Variants in TNR observed in about 807,000 individuals in gnomAD.
TNR encodes tenascin R, also known as tenascin-R.
In TNR, 45 loss-of-function variants were observed where a neutral mutation model predicts 150.4. The ratio of observed to expected loss-of-function variants is 0.30; its 90% CI spans 0.24 to 0.38. The LOEUF (loss-of-function observed/expected upper bound fraction) is 0.38. TNR is among the 10% of genes least tolerant of loss of function. The pLI is 1.00. For missense variants in TNR, 1,544 were observed against 1,759.1 expected (o/e 0.88, Z 2.19); for synonymous variants, 687 against 678.4 (o/e 1.01, Z -0.20).
intron 1 of TNR, among the ~76,000 whole-genome samples, chr1:175,664,342 C>A (rs1262021373): frequency 2.6e-5 from 4 of 152,134 alleles, no homozygotes; most frequent in East Asian, 1.9e-4. Context: ...TGTCCAGGAG[C>A]AGAGTAGAGG....
chr1:175,609,904 A>G (rs1663537341), intron 1 of TNR, among the ~76,000 whole-genome samples: 1 of 152,224 alleles, frequency 6.6e-6, no homozygotes, highest in South Asian at 2.1e-4. Flanking sequence ...AGTTTGAGGG[A>G]TTGTTCCAGG....
chr1:175,426,827 TAAA>T (rs1292072008), intron 2 of TNR, among the ~76,000 whole-genome samples: 1 of 111,428 alleles, frequency 9.0e-6, no homozygotes, highest in African/African-American at 3.6e-5. Flanking sequence ...TAAATATATA[TAAA>T]ATATATTATA....
intron 2 of TNR, among the ~76,000 whole-genome samples, chr1:175,518,034 T>C (rs1055494760): frequency 3.9e-5 from 6 of 152,118 alleles, no homozygotes; most frequent in African/African-American, 1.5e-4. Context: ...AGGAGGAGTG[T>C]TGATGGTTTA....
intron 2 of TNR, among the ~76,000 whole-genome samples, chr1:175,480,940 C>T (rs947758034): frequency 2.0e-5 from 3 of 151,928 alleles, no homozygotes; most frequent in East Asian, 1.9e-4. Context: ...ATTTATTCAC[C>T]CAAAGGTTGC....
intron 2 of TNR, among the ~76,000 whole-genome samples, chr1:175,453,458 C>T (rs777321535): frequency 6.6e-6 from 1 of 152,068 alleles, no homozygotes; most frequent in Non-Finnish European, 1.5e-5. Context: ...GGGAGGGGAC[C>T]TCTCTGGGGA....
chr1:175,570,263 G>A (rs1419689579), intron 1 of TNR, among the ~76,000 whole-genome samples: 9 of 152,180 alleles, frequency 5.9e-5, no homozygotes, highest in African/African-American at 9.7e-5. Context: ...ATTTCAGGCC[G>A]AGGGGCAGGG....
rs867813310 is a variant in TNR, at chr1:175,376,175, G to A, written c.1963+3377C>T. ...CCCAGGCTGCTGGTGGCTGCACCAC[G>A]CTGTGAGAGGCAAGGTTCTAAACCA... On this transcript the variant is annotated intron_variant, in intron 9 of 22. Coordinates refer to ENST00000367674, the MANE Select transcript of TNR (RefSeq NM_003285.3). 4.1e-4 allele frequency among the ~76,000 whole-genome samples: 62 copies of A among 152,210 alleles called. 1 individual carries two copies. Among genetic ancestry groups the A allele is most frequent in the African/African-American group, 1.4e-3 (59 of 41,526 alleles).
chr1:175,394,427 T>A (rs1185262432), intron 5 of TNR, among the ~76,000 whole-genome samples: 3 of 152,228 alleles, frequency 2.0e-5, no homozygotes, highest in East Asian at 3.9e-4. Flanking sequence ...GATCATCTGA[T>A]GCACATTGAG....
chr1:175,583,482 C>G (rs1662444930), intron 1 of TNR, among the ~76,000 whole-genome samples: 2 of 152,270 alleles, frequency 1.3e-5, no homozygotes, highest in Admixed American at 1.3e-4. Flanking sequence ...TCCACTCCTG[C>G]CCATACCCAG....
rs775752679 is a variant in TNR, at chr1:175,354,489, C to A, written c.3284G>T (p.Arg1095Leu). The A allele has an allele frequency of 2.5e-6, 4 of 1,614,062 alleles. No individual in the cohort carries two copies. Among genetic ancestry groups the A allele is most frequent in the Non-Finnish European group, 2.5e-6 (3 of 1,179,978 alleles). ...LIVDAEDTWIRLEGLLENTDY... is the reference protein window; with the variant it reads ...LIVDAEDTWILLEGLLENTDY... ...TGTGTTCTCCAACAGGCCCTCCAGT[C>A]GAATCCAGGTGTCTTCTGCATCCAC... Residue 1095 changes from arginine (R) to leucine (L), a missense_variant, in exon 18 of 23, where the codon CGA (arginine) becomes CTA (leucine). Arg to Leu is a moderately radical substitution (Grantham distance 102). This residue lies in a region of TNR where 290 missense variants were observed against 429.7 expected (regional missense o/e 0.67). Transcript: ENST00000367674.
intron 1 of TNR, among the ~76,000 whole-genome samples, chr1:175,600,031 C>T (rs909281869): frequency 1.3e-5 from 2 of 152,296 alleles, no homozygotes; most frequent in Admixed American, 6.5e-5. Flanking sequence ...ATGTTTCCAG[C>T]ATTTTAGGAA....
intron 1 of TNR, among the ~76,000 whole-genome samples, chr1:175,657,225 A>G (rs1665205403): frequency 6.6e-6 from 1 of 152,198 alleles, no homozygotes; most frequent in Admixed American, 6.5e-5. Flanking sequence ...ATGAGATACC[A>G]TCTCAAACCA....
intron 2 of TNR, among the ~76,000 whole-genome samples, chr1:175,514,852 G>C (rs1432473560): frequency 6.6e-6 from 1 of 152,200 alleles, no homozygotes; most frequent in Non-Finnish European, 1.5e-5. Context: ...GATTTCCTGT[G>C]GGGCTGGATG....
At chr1:175,684,897 A>G (rs1034336592) in intron 1 of TNR, among the ~76,000 whole-genome samples, 7 of 152,124 alleles carry the variant, frequency 4.6e-5, no homozygotes, top group African/African-American at 1.7e-4. Context: ...TATTGATGTA[A>G]CTCAACCCCA....
chr1:175,684,809 G>A (rs930126795), intron 1 of TNR, among the ~76,000 whole-genome samples: 4 of 152,102 alleles, frequency 2.6e-5, no homozygotes, highest in East Asian at 1.9e-4. Flanking sequence ...TAAAGGCTCC[G>A]AAGTCTATGG....
chr1:175,331,166 C>CT (rs1557868616), intron 20 of TNR, among the ~76,000 whole-genome samples: 1 of 34,618 alleles, frequency 2.9e-5, no homozygotes, highest in African/African-American at 1.0e-4. Flanking sequence ...TTTTTCTTTC[C>CT]TTCCTTCCTT....
intron 1 of TNR, among the ~76,000 whole-genome samples, chr1:175,537,570 C>G (rs1306558999): frequency 6.6e-6 from 1 of 152,200 alleles, no homozygotes; most frequent in African/African-American, 2.4e-5. Flanking sequence ...CATCTCAGAA[C>G]AAGTTCAATT....
chr1:175,730,130 G>A lies in TNR; in HGVS notation c.-165+13096C>T, dbSNP rs529916671. On this transcript the variant is annotated intron_variant, in intron 1 of 22. Coordinates refer to ENST00000367674, the MANE Select transcript of TNR (RefSeq NM_003285.3). ...TCACCATTCTCACTACCGCCTGCATGAAGGCCCAATGCTTCTCTGTTCCAG... is the reference window on the plus strand; with the variant it reads ...TCACCATTCTCACTACCGCCTGCATAAAGGCCCAATGCTTCTCTGTTCCAG... Among the ~76,000 whole-genome samples the A allele has an allele frequency of 3.3e-5, 5 of 152,178 alleles. No individual in the cohort carries two copies. The East Asian group carries it at 9.7e-4, about 29-fold the overall frequency.
intron 4 of TNR, among the ~76,000 whole-genome samples, chr1:175,402,180 G>A (rs970806337): frequency 2.5e-4 from 37 of 150,286 alleles, no homozygotes; most frequent in East Asian, 3.9e-4. Flanking sequence ...GGTGGTGGGC[G>A]CCTGTAGTCC....
Sources: gnomAD v4.1 joint callset for allele counts (sites outside exome capture counted in the v4.1 genomes callset) on GRCh38, gnomAD v4.1.1 for gene constraint, gnomAD v4.1.1 regional missense constraint, MANE v1.5 for transcripts, NCBI Gene and HGNC (gene_info 2026-07-23, HGNC 2026-07-21) for gene names.